The following CAMSAP1 variants were observed in gnomAD, a reference collection of about 807,000 sequenced individuals.
The protein encoded by CAMSAP1 is calmodulin regulated spectrin associated protein 1.
In CAMSAP1, 58 loss-of-function variants were observed where a neutral mutation model predicts 143.5. The observed-to-expected ratio is 0.40, with a 90% confidence interval of 0.33 to 0.50. CAMSAP1 has a LOEUF of 0.50. CAMSAP1 is among the 20% of genes least tolerant of loss of function. CAMSAP1 has a pLI of 0.45. For synonymous variants in CAMSAP1, 945 were observed against 859.3 expected, an observed-to-expected ratio of 1.10 and a Z score of -1.74; for missense variants, 1,969 against 2,115.7, an observed-to-expected ratio of 0.93 and a Z score of 1.36.
rs568156623 is a variant in CAMSAP1, at chr9:135,853,173, G to A, written c.809-2712C>T. Among the ~76,000 whole-genome samples the A allele has an allele frequency of 2.0e-5, 3 of 152,254 alleles. No individual in the cohort carries two copies. The South Asian group carries it at 6.2e-4, about 32-fold the overall frequency. Reference sequence around the variant, plus strand: ...TTGCCCCTGAGGTGACACGCTGGGAGGACACACCGCAAGGAAACTCCAGAC... The same window carrying A: ...TTGCCCCTGAGGTGACACGCTGGGAAGACACACCGCAAGGAAACTCCAGAC... On this transcript the variant is annotated intron_variant, in intron 5 of 16. Transcript: ENST00000389532.
chr9:135,893,134 C>T (rs1288616808), intron 1 of CAMSAP1, among the ~76,000 whole-genome samples: 1 of 151,736 alleles, frequency 6.6e-6, no homozygotes, highest in Non-Finnish European at 1.5e-5. Context: ...TGCACCACTG[C>T]ACTCCAGCCT....
At chr9:135,828,321 T>G (rs1489245629) in intron 7 of CAMSAP1, among the ~76,000 whole-genome samples, 1 of 152,104 alleles carries the variant, frequency 6.6e-6, no homozygotes, top group Non-Finnish European at 1.5e-5. Context: ...GGGCACCCAC[T>G]AGGTGATGTG....
At chr9:135,856,425 C>CA (rs60708828) in intron 5 of CAMSAP1, among the ~76,000 whole-genome samples, 2,287 of 152,326 alleles carry the variant, frequency 0.015, 54 homozygotes, top group African/African-American at 0.051. Context: ...GTCCCTCCCA[C>CA]AGCACATGGG....
At chr9:135,892,848 C>CA (rs59978082) in intron 1 of CAMSAP1, among the ~76,000 whole-genome samples, 2,153 of 42,038 alleles carry the variant, frequency 0.051, 224 homozygotes, top group African/African-American at 0.14. Flanking sequence ...AAGACTGTCT[C>CA]AAAAAAAAAA....
intron 1 of CAMSAP1, 38 bp downstream of exon 1, chr9:135,906,962 G>GC (rs1215560177): frequency 2.0e-6 from 2 of 990,688 alleles, no homozygotes; most frequent in South Asian, 4.6e-5. Context: ...CCCGGCCCGC[G>GC]CCCCTGGCCC....
In CAMSAP1 at chr9:135,907,480, G is replaced by C. The variant is rs1219417881; in HGVS notation, c.-321C>G. Among the ~76,000 whole-genome samples, 5 of 146,258 alleles carry C rather than the reference G, an allele frequency of 3.4e-5. No individual in the cohort carries two copies. Among genetic ancestry groups the C allele is most frequent in the South Asian group, 2.1e-4 (1 of 4,692 alleles). On this transcript the variant is annotated 5_prime_UTR_variant, in exon 1 of 17. Coordinates refer to ENST00000389532, the MANE Select transcript of CAMSAP1 (RefSeq NM_015447.4). Reference sequence around the variant, plus strand: ...CCGGGGGCGGTGGCAGCGCGTGCGCGGTCCCGGGTGAGCGGCGGCGGCGGC... The same window carrying C: ...CCGGGGGCGGTGGCAGCGCGTGCGCCGTCCCGGGTGAGCGGCGGCGGCGGC...
chr9:135,887,111 C>T (rs975766293), intron 1 of CAMSAP1, among the ~76,000 whole-genome samples: 1 of 152,086 alleles, frequency 6.6e-6, no homozygotes, highest in Non-Finnish European at 1.5e-5. Flanking sequence ...CCCAGGGGGA[C>T]GAGTCATCCA....
chr9:135,820,419 A>AT lies in CAMSAP1; in HGVS notation c.3822+419dup, dbSNP rs1564418054. ...ACAAAAAATGTTTTTTGAAGTTGCT[A>AT]TATCAGAGGTTGGCAAACTTCAGCC... On this transcript the variant is annotated intron_variant, in intron 11 of 16. Coordinates refer to ENST00000389532, the MANE Select transcript of CAMSAP1 (RefSeq NM_015447.4). This position sits in a 1 kb window ranked among gnomAD's most constrained non-coding sequence, Gnocchi z 4.4. 6.6e-6 allele frequency among the ~76,000 whole-genome samples: 1 copy of AT among 152,108 alleles called. No homozygotes were observed. The highest frequency in any genetic ancestry group is 1.9e-4 in the East Asian group (1 of 5,192).
chr9:135,906,774 G>A (rs1402517271), intron 1 of CAMSAP1, among the ~76,000 whole-genome samples: 1 of 151,928 alleles, frequency 6.6e-6, no homozygotes, highest in South Asian at 2.1e-4. Context: ...CCCGACCCAC[G>A]CCGCCCTCCG....
At chr9:135,815,282 C>A in intron 15 of CAMSAP1, 67 bp from the exon 16 acceptor site, 1 of 1,016,716 alleles carries the variant, frequency 9.8e-7, no homozygotes, top group Non-Finnish European at 1.5e-6. Context: ...AAAAAGAAAA[C>A]CAGCAATGTC....
intron 1 of CAMSAP1, among the ~76,000 whole-genome samples, chr9:135,895,004 G>A (rs1027533660): frequency 3.3e-5 from 5 of 152,206 alleles, no homozygotes; most frequent in African/African-American, 1.2e-4. Context: ...TGAGATGACA[G>A]AAGACAGAAT....
intron 1 of CAMSAP1, among the ~76,000 whole-genome samples, chr9:135,887,544 A>C (rs1409566605): frequency 6.6e-6 from 1 of 152,136 alleles, no homozygotes. Flanking sequence ...GAAGAGGAGG[A>C]GGCTGCTCCT....
chr9:135,907,380 G>A lies in CAMSAP1; in HGVS notation c.-221C>T, dbSNP rs1160384714. The stretch of plus-strand genomic sequence containing the variant: ...GCTGAGCCCGAGCGGAGGAGGTGCC[G>A]AGCCCGCGGCCCAAAGAGGCGGCGG... On this transcript the variant is annotated 5_prime_UTR_variant, in exon 1 of 17. Transcript: ENST00000389532. 6.8e-6 allele frequency among the ~76,000 whole-genome samples: 1 copy of A among 146,340 alleles called. No homozygotes were observed. Among genetic ancestry groups the A allele is most frequent in the Non-Finnish European group, 1.5e-5 (1 of 65,822 alleles).
chr9:135,847,622 G>A (rs764518066), intron 7 of CAMSAP1, among the ~76,000 whole-genome samples: 12 of 149,760 alleles, frequency 8.0e-5, no homozygotes, highest in African/African-American at 1.7e-4. Flanking sequence ...ACCAAACACC[G>A]CATGTTCTTA....
intron 3 of CAMSAP1, among the ~76,000 whole-genome samples, chr9:135,869,932 TCA>T (rs1449909213): frequency 6.6e-6 from 1 of 152,174 alleles, no homozygotes; most frequent in Non-Finnish European, 1.5e-5. Flanking sequence ...GCACGGAAGA[TCA>T]CATACTGTAT....
At chr9:135,899,355 G>A (rs958764085) in intron 1 of CAMSAP1, among the ~76,000 whole-genome samples, 13 of 150,976 alleles carry the variant, frequency 8.6e-5, no homozygotes, top group Admixed American at 5.9e-4. Flanking sequence ...TTGGGAGGCC[G>A]AGACAGGAGG....
Position 135,811,082 on chromosome 9 carries a change from T to TC in CAMSAP1, c.*226dup. On this transcript the variant is annotated 3_prime_UTR_variant, in exon 17 of 17. Coordinates refer to ENST00000389532, the MANE Select transcript of CAMSAP1 (RefSeq NM_015447.4). The surrounding 1 kb of genome is among the most constrained non-coding windows in gnomAD (Gnocchi z 4.9). Reference sequence around the variant, plus strand: ...GAGCCACTGCAAAAGCGGCATCTACTCCCCCATCCTCACCCTGCCTGGCAT... The same window carrying TC: ...GAGCCACTGCAAAAGCGGCATCTACTCCCCCCATCCTCACCCTGCCTGGCAT... The TC allele has an allele frequency of 1.9e-5, 11 of 580,960 alleles. No individual in the cohort carries two copies. The highest frequency in any genetic ancestry group is 2.4e-5 in the Non-Finnish European group (8 of 330,078). The allele number at this position is 580,960 out of a possible 1,614,324, so 36.0% of individuals were successfully genotyped here.
rs1837989766 is a variant in CAMSAP1 at position 135,882,375 on chromosome 9, C to G, written c.423+441G>C. ...CCGAGAATGGCCCTGACCCAGAACGCTCTGGAAAAGGCACACCAGTAGCAA... is the reference window on the plus strand; with the variant it reads ...CCGAGAATGGCCCTGACCCAGAACGGTCTGGAAAAGGCACACCAGTAGCAA... On this transcript the variant is annotated intron_variant, in intron 2 of 16. Transcript: ENST00000389532. The surrounding 1 kb of genome is among the most constrained non-coding windows in gnomAD (Gnocchi z 4.9). 6.6e-6 allele frequency among the ~76,000 whole-genome samples: 1 copy of G among 151,940 alleles called. No homozygotes were observed. Among genetic ancestry groups the G allele is most frequent in the Admixed American group, 6.6e-5 (1 of 15,260 alleles).
At chr9:135,860,608 A>AGTGCCTCAAAAAAAAGTGCCTC (rs1837151812) in intron 5 of CAMSAP1, among the ~76,000 whole-genome samples, 2 of 151,462 alleles carry the variant, frequency 1.3e-5, no homozygotes, top group Admixed American at 6.6e-5. Context: ...AAAAAAAAAA[A>AGTGCCTCAAAAAAAAGTGCCTC]AAAAAAAAAA....
Sources: allele counts gnomAD v4.1 joint callset (sites outside exome capture counted in the v4.1 genomes callset), GRCh38; gene constraint gnomAD v4.1.1; non-coding constraint Gnocchi (gnomAD v3.1); transcripts MANE v1.5; gene names NCBI Gene and HGNC (gene_info 2026-07-23, HGNC 2026-07-21).